Variants in MARCHF11 observed in about 807,000 individuals in gnomAD.
MARCHF11 encodes membrane associated ring-CH-type finger 11, also known as E3 ubiquitin-protein ligase MARCHF11.
Under a neutral mutation model 37.3 loss-of-function variants are expected in MARCHF11, and 29 were observed. The observed-to-expected ratio is 0.78, with a 90% CI of 0.58 to 1.06. The LOEUF is 1.06. Among genes scored for constraint, MARCHF11 ranks in the 50% least tolerant of loss-of-function variants. The probability of loss-of-function intolerance (pLI) is 0.00; values close to 1 mark genes in which losing one functional copy is unlikely to be tolerated. For missense variants in MARCHF11, 482 were observed against 533.4 expected (o/e 0.90, Z 0.95); for synonymous variants, 233 against 228.0 (o/e 1.02, Z -0.20).
At chr5:16,091,533 G>A (rs1210850416) in intron 2 of MARCHF11, among the ~76,000 whole-genome samples, 1 of 152,038 alleles carries the variant, frequency 6.6e-6, no homozygotes, top group Non-Finnish European at 1.5e-5. Flanking sequence ...AATGTAAAAA[G>A]CAAATAAGTT....
At chr5:16,078,656 G>A (rs1052689515) in intron 3 of MARCHF11, among the ~76,000 whole-genome samples, 13 of 152,162 alleles carry the variant, frequency 8.5e-5, no homozygotes, top group Admixed American at 6.5e-4. Flanking sequence ...GGCAGGGTTC[G>A]TTCTGAAGTA....
At position 16,067,382 on chromosome 5, in the gene MARCHF11, G is replaced by A; in HGVS notation, c.*89C>T. On this transcript the variant is annotated 3_prime_UTR_variant, in exon 4 of 4. Coordinates refer to ENST00000332432, the MANE Select transcript of MARCHF11 (RefSeq NM_001102562.3). ...TAAATTTTAAAAAGTTCATAGATGT[G>A]TTTTTAGAAGTGCTATGGTTTTGCC... 8.3e-7 allele frequency: 1 copy of A among 1,211,754 alleles called. No homozygotes were observed. The highest frequency in any genetic ancestry group is 1.2e-6 in the Non-Finnish European group (1 of 859,196). 75.1% of individuals were successfully genotyped at this position (1,211,754 alleles called of 1,614,324 possible).
At chr5:16,150,616 C>T (rs1737874425) in intron 2 of MARCHF11, among the ~76,000 whole-genome samples, 1 of 137,000 alleles carries the variant, frequency 7.3e-6, no homozygotes, top group African/African-American at 3.6e-5. Context: ...GTATTAGTTA[C>T]TCTCCTATAG....
intron 1 of MARCHF11, 65 bp from the exon 2 acceptor site, chr5:16,177,946 T>C: frequency 1.4e-6 from 2 of 1,457,566 alleles, no homozygotes; most frequent in Non-Finnish European, 1.8e-6. Flanking sequence ...ACCTAATGCT[T>C]CCTTTCTTTT....
intron 2 of MARCHF11, among the ~76,000 whole-genome samples, chr5:16,168,230 T>C (rs1226076520): frequency 6.6e-6 from 1 of 152,074 alleles, no homozygotes; most frequent in African/African-American, 2.4e-5. Flanking sequence ...CTTAGTAGTA[T>C]TCAGGTTGAG....
At chr5:16,091,447 T>C (rs576850313) in intron 2 of MARCHF11, among the ~76,000 whole-genome samples, 282 of 152,314 alleles carry the variant, frequency 1.9e-3, no homozygotes, top group Non-Finnish European at 2.7e-3. Context: ...AACTTCTCTA[T>C]CTGGTAATTT....
chr5:16,152,162 C>G (rs1737900070), intron 2 of MARCHF11, among the ~76,000 whole-genome samples: 1 of 151,904 alleles, frequency 6.6e-6, no homozygotes, highest in Non-Finnish European at 1.5e-5. Flanking sequence ...AATGACTTCT[C>G]CCAAATGCAT....
intron 2 of MARCHF11, among the ~76,000 whole-genome samples, chr5:16,152,836 T>C (rs1325347364): frequency 2.6e-5 from 4 of 152,056 alleles, no homozygotes; most frequent in Non-Finnish European, 5.9e-5. Flanking sequence ...ATTACTATGA[T>C]TAAGCACCAA....
At chr5:16,107,784 C>A (rs540935803) in intron 2 of MARCHF11, among the ~76,000 whole-genome samples, 1 of 151,888 alleles carries the variant, frequency 6.6e-6, no homozygotes, top group Non-Finnish European at 1.5e-5. Flanking sequence ...GGCAGAATGG[C>A]GTGGCAGAGA....
chr5:16,116,401 T>C (rs903211812), intron 2 of MARCHF11, among the ~76,000 whole-genome samples: 2 of 152,178 alleles, frequency 1.3e-5, no homozygotes, highest in East Asian at 1.9e-4. Flanking sequence ...ATTGCACAGT[T>C]TTCCATGCCT....
At chr5:16,146,024 C>A (rs1737790254) in intron 2 of MARCHF11, among the ~76,000 whole-genome samples, 1 of 152,106 alleles carries the variant, frequency 6.6e-6, no homozygotes, top group Non-Finnish European at 1.5e-5. Context: ...TGGAGTGTAC[C>A]ATTCAGTGTC....
intron 3 of MARCHF11, among the ~76,000 whole-genome samples, chr5:16,078,970 A>C (rs1247752760): frequency 6.6e-6 from 1 of 152,124 alleles, no homozygotes; most frequent in Non-Finnish European, 1.5e-5. Context: ...GTAAAGCCAC[A>C]CAAAACACAC....
intron 2 of MARCHF11, among the ~76,000 whole-genome samples, chr5:16,148,967 G>T (rs1275789182): frequency 6.6e-6 from 1 of 152,078 alleles, no homozygotes; most frequent in Non-Finnish European, 1.5e-5. Flanking sequence ...ATAGTAGATG[G>T]CTTCTCTGAG....
At chr5:16,151,987 G>C (rs1001860791) in intron 2 of MARCHF11, among the ~76,000 whole-genome samples, 6 of 151,946 alleles carry the variant, frequency 3.9e-5, no homozygotes, top group African/African-American at 1.4e-4. Context: ...AATTTGGTTA[G>C]CTAGCACTTT....
chr5:16,071,769 A>G (rs1736440087), intron 3 of MARCHF11, among the ~76,000 whole-genome samples: 1 of 152,186 alleles, frequency 6.6e-6, no homozygotes, highest in African/African-American at 2.4e-5. Context: ...TGGTCAAAAA[A>G]TTCCATATTG....
chr5:16,109,192 T>A (rs111928302), intron 2 of MARCHF11, among the ~76,000 whole-genome samples: 3,282 of 151,990 alleles, frequency 0.022, 127 homozygotes, highest in African/African-American at 0.076. Context: ...ACCCTTGGAA[T>A]CTTCAAAGTG....
chr5:16,141,697 T>A (rs1354609711), intron 2 of MARCHF11: 2 of 152,216 alleles, frequency 1.3e-5, no homozygotes, highest in Admixed American at 6.5e-5. Context: ...AATTGTTGTT[T>A]TTAAAATCCA....
intron 2 of MARCHF11, among the ~76,000 whole-genome samples, chr5:16,096,221 A>C (rs1405282943): frequency 2.0e-5 from 3 of 152,212 alleles, no homozygotes; most frequent in Non-Finnish European, 4.4e-5. Flanking sequence ...GAAATTCAAC[A>C]CCTGCAAAAG....
At chr5:16,100,906 C>T (rs1048501055) in intron 2 of MARCHF11, among the ~76,000 whole-genome samples, 4 of 152,070 alleles carry the variant, frequency 2.6e-5, no homozygotes, top group Non-Finnish European at 5.9e-5. Context: ...TTAGCAACTA[C>T]AGGGTAAGCA....
Sources: allele counts gnomAD v4.1 joint callset (sites outside exome capture counted in the v4.1 genomes callset), GRCh38; gene constraint gnomAD v4.1.1; transcripts MANE v1.5; gene names NCBI Gene and HGNC (gene_info 2026-07-23, HGNC 2026-07-21).